Variants in CEP112 observed in about 807,000 individuals in gnomAD.
The protein encoded by CEP112 is centrosomal protein 112, also known as centrosomal protein of 112 kDa.
Under a neutral mutation model 153.0 loss-of-function variants are expected in CEP112, and 127 were observed. The ratio of observed to expected loss-of-function variants is 0.83; its 90% CI spans 0.72 to 0.96. The LOEUF is 0.96. Ranked by LOEUF, CEP112 falls within the 40% of genes least tolerant of loss-of-function variation. The pLI is 0.00. For missense variants in CEP112, 1,089 were observed against 1,101.2 expected (o/e 0.99, Z 0.16); for synonymous variants, 358 against 374.4 (o/e 0.96, Z 0.51).
At chr17:65,856,101 C>T (rs1163650041) in intron 20 of CEP112, among the ~76,000 whole-genome samples, 2 of 151,888 alleles carry the variant, frequency 1.3e-5, no homozygotes, top group African/African-American at 2.4e-5. Flanking sequence ...TATATATATA[C>T]TTAATATACT....
Position 66,132,742 on chromosome 17 carries a change from C to T in CEP112, c.492G>A (p.Lys164=). The change falls in exon 5 of 27, where the codon AAG becomes AAA. Residue 164 remains lysine (K), a synonymous_variant. Coordinates refer to ENST00000535342, the MANE Select transcript of CEP112 (RefSeq NM_001199165.4). ...DVYSREQYTG[K]LRVRSHSLSP... Reference sequence around the variant, plus strand: ...TCAAGGAGTGTGATCTCACTCGGAGCTTCCCAGTGTACTGTTCCCTGCTAA... The same window carrying T: ...TCAAGGAGTGTGATCTCACTCGGAGTTTCCCAGTGTACTGTTCCCTGCTAA... 3 of 1,613,292 alleles carry T rather than the reference C, an allele frequency of 1.9e-6. No individual in the cohort carries two copies. In the South Asian group the frequency reaches 3.3e-5, roughly 18 times the overall value.
intron 12 of CEP112, among the ~76,000 whole-genome samples, chr17:66,037,801 C>T (rs1247430828): frequency 6.6e-6 from 1 of 152,094 alleles, no homozygotes; most frequent in Non-Finnish European, 1.5e-5. Context: ...AATTTTACAA[C>T]ATACCTGAGG....
chr17:65,937,527 GC>G (rs2061362234), intron 18 of CEP112, among the ~76,000 whole-genome samples: 1 of 138,400 alleles, frequency 7.2e-6, no homozygotes, highest in Non-Finnish European at 1.6e-5. Flanking sequence ...GAAGTGAGGA[GC>G]CCCTCTGCCC....
intron 23 of CEP112, among the ~76,000 whole-genome samples, chr17:65,740,884 T>A (rs1027406783): frequency 6.6e-6 from 1 of 152,200 alleles, no homozygotes; most frequent in Non-Finnish European, 1.5e-5. Flanking sequence ...TGCAAAAATG[T>A]TATATCATTC....
At chr17:65,736,705 C>T (rs955832937) in intron 23 of CEP112, among the ~76,000 whole-genome samples, 23 of 152,134 alleles carry the variant, frequency 1.5e-4, no homozygotes, top group African/African-American at 5.1e-4. Context: ...CAGATTAGAT[C>T]GTTGTTCACA....
chr17:65,837,357 G>A (rs2057351194), intron 21 of CEP112, among the ~76,000 whole-genome samples: 1 of 152,122 alleles, frequency 6.6e-6, no homozygotes, highest in Admixed American at 6.5e-5. Context: ...TAGGAAGTGA[G>A]GAGCGTCTCT....
intron 21 of CEP112, among the ~76,000 whole-genome samples, chr17:65,764,464 A>AAT (rs1186239356): frequency 3.3e-5 from 5 of 152,236 alleles, no homozygotes; most frequent in Admixed American, 1.3e-4. Flanking sequence ...TCTAATGTCT[A>AAT]ATATATATTT....
intron 18 of CEP112, among the ~76,000 whole-genome samples, chr17:65,940,241 G>A (rs1362610957): frequency 3.3e-5 from 5 of 152,180 alleles, no homozygotes. Flanking sequence ...GTGAACAAGT[G>A]CTGCTGAGGA....
At chr17:65,860,991 G>A (rs948672814) in intron 20 of CEP112, among the ~76,000 whole-genome samples, 3 of 152,214 alleles carry the variant, frequency 2.0e-5, no homozygotes, top group African/African-American at 4.8e-5. Flanking sequence ...CTGAGTGAAG[G>A]AAGCCAGTCA....
At chr17:65,945,855 C>A (rs2061634961) in intron 18 of CEP112, among the ~76,000 whole-genome samples, 1 of 152,090 alleles carries the variant, frequency 6.6e-6, no homozygotes, top group African/African-American at 2.4e-5. Flanking sequence ...CCATGTTGGC[C>A]AGGCTGGTCT....
intron 9 of CEP112, 108 bp downstream of exon 9, chr17:66,069,807 T>G: frequency 1.6e-6 from 1 of 623,024 alleles, no homozygotes; most frequent in Non-Finnish European, 2.7e-6. Flanking sequence ...AGTACATAAA[T>G]AAGTGGATGG....
intron 16 of CEP112, among the ~76,000 whole-genome samples, chr17:66,013,997 A>G (rs2064656479): frequency 6.6e-6 from 1 of 152,246 alleles, no homozygotes; most frequent in Non-Finnish European, 1.5e-5. Context: ...CTTTCACACC[A>G]GAAATGGCAG....
intron 16 of CEP112, among the ~76,000 whole-genome samples, chr17:66,022,991 A>G (rs7213381): frequency 0.51 from 78,113 of 151,732 alleles, 21,040 homozygotes; most frequent in African/African-American, 0.59. Context: ...AGACTTTTGA[A>G]TTAATCCAGT....
intron 4 of CEP112, among the ~76,000 whole-genome samples, chr17:66,150,903 A>G (rs1177983388): frequency 6.6e-6 from 1 of 152,196 alleles, no homozygotes; most frequent in Non-Finnish European, 1.5e-5. Context: ...TAATCATTAC[A>G]TCATGCTTAT....
At chr17:66,022,041 T>C (rs541309159) in intron 16 of CEP112, among the ~76,000 whole-genome samples, 2 of 152,168 alleles carry the variant, frequency 1.3e-5, no homozygotes, top group South Asian at 4.1e-4. Flanking sequence ...CGCCCCTTGC[T>C]ACCACAATCA....
At chr17:65,714,529 C>T (rs2049387446) in intron 23 of CEP112, among the ~76,000 whole-genome samples, 1 of 152,014 alleles carries the variant, frequency 6.6e-6, no homozygotes, top group South Asian at 2.1e-4. Context: ...AGAATGTGAG[C>T]CCAGACCTAG....
At chr17:65,772,171 G>A (rs7218844) in intron 21 of CEP112, among the ~76,000 whole-genome samples, 73,034 of 152,038 alleles carry the variant, frequency 0.48, 19,243 homozygotes, top group East Asian at 0.78. Context: ...TGAAAAATAA[G>A]TGGTATAAGC....
chr17:66,120,656 T>C (rs1351093452), intron 6 of CEP112, among the ~76,000 whole-genome samples: 1 of 152,220 alleles, frequency 6.6e-6, no homozygotes, highest in African/African-American at 2.4e-5. Context: ...ATAGAGTTGC[T>C]TGCAGTAATC....
chr17:65,875,222 T>C (rs1042112463), intron 20 of CEP112, among the ~76,000 whole-genome samples: 19 of 152,094 alleles, frequency 1.2e-4, no homozygotes, highest in Admixed American at 3.3e-4. Flanking sequence ...ATATAATTCT[T>C]TGGAACATAT....
Sources: allele counts gnomAD v4.1 joint callset (sites outside exome capture counted in the v4.1 genomes callset), GRCh38; gene constraint gnomAD v4.1.1; transcripts MANE v1.5; gene names NCBI Gene and HGNC (gene_info 2026-07-23, HGNC 2026-07-21).